EPHB1: variants seen among roughly 807,000 people sequenced by gnomAD.
The protein encoded by EPHB1 is ephrin type-B receptor 1.
A neutral mutation model predicts 94.4 loss-of-function variants in EPHB1; 30 were observed. That is an observed-to-expected ratio of 0.32 (90% CI 0.24 to 0.43). The LOEUF is 0.43. Among genes scored for constraint, EPHB1 ranks in the 20% least tolerant of loss-of-function variants. The probability of loss-of-function intolerance (pLI) is 1.00; values close to 1 mark genes in which losing one functional copy is unlikely to be tolerated. For missense variants in EPHB1, 1,055 were observed against 1,308.3 expected, an observed-to-expected ratio of 0.81 and a Z score of 2.99; for synonymous variants, 522 against 489.1, an observed-to-expected ratio of 1.07 and a Z score of -0.89.
chr3:134,904,553 G>A (rs543820100), intron 1 of EPHB1, among the ~76,000 whole-genome samples: 1 of 152,252 alleles, frequency 6.6e-6, no homozygotes, highest in South Asian at 2.1e-4. Flanking sequence ...CAGTTTTTGG[G>A]GCTTTACACT....
intron 3 of EPHB1, among the ~76,000 whole-genome samples, chr3:134,996,051 A>T (rs914152257): frequency 5.9e-5 from 9 of 152,146 alleles, no homozygotes; most frequent in Non-Finnish European, 1.0e-4. Flanking sequence ...TCATGTTAAC[A>T]TTTGCCTTAT....
At chr3:134,817,547 T>C (rs574795325) in intron 1 of EPHB1, among the ~76,000 whole-genome samples, 2 of 152,242 alleles carry the variant, frequency 1.3e-5, no homozygotes, top group African/African-American at 4.8e-5. Flanking sequence ...GAGGCTGCTA[T>C]TGGGAGTCAG....
chr3:134,945,352 T>C (rs539120242), intron 2 of EPHB1, among the ~76,000 whole-genome samples: 5 of 152,206 alleles, frequency 3.3e-5, no homozygotes, highest in Non-Finnish European at 7.3e-5. Flanking sequence ...TTAGTATCTT[T>C]GTAGTTTCAT....
intron 3 of EPHB1, among the ~76,000 whole-genome samples, chr3:135,092,322 G>C (rs1196140896): frequency 6.6e-6 from 1 of 152,122 alleles, no homozygotes; most frequent in Non-Finnish European, 1.5e-5. Flanking sequence ...CCTCCCTTCT[G>C]TTGGGTGCCA....
intron 1 of EPHB1, among the ~76,000 whole-genome samples, chr3:134,866,984 C>T (rs559027394): frequency 6.6e-6 from 1 of 152,288 alleles, no homozygotes; most frequent in South Asian, 2.1e-4. Context: ...AACCTCTGGT[C>T]ATTGAACACA....
chr3:135,120,552 G>A (rs955422438), intron 4 of EPHB1, among the ~76,000 whole-genome samples: 5 of 152,150 alleles, frequency 3.3e-5, no homozygotes, highest in African/African-American at 4.8e-5. Flanking sequence ...ATTGCATGCC[G>A]TGAATTACTG....
rs199903529 is a variant in EPHB1 at position 135,132,748 on chromosome 3, C to T, written c.996C>T (p.Ile332=). ...VPSGPRNVIS[I]VNETSIILEW... The stretch of plus-strand genomic sequence containing the variant: ...CAGGTCCCCGCAATGTTATCTCCAT[C>T]GTCAATGAGACGTCCATCATTCTGG... Residue 332 remains isoleucine, a synonymous_variant, in exon 5 of 16, where the codon ATC becomes ATT. Coordinates refer to ENST00000398015, the MANE Select transcript of EPHB1 (RefSeq NM_004441.5). 3.8e-5 allele frequency: 61 copies of T among 1,605,504 alleles called. No individual in the cohort carries two copies. Among genetic ancestry groups the T allele is most frequent in the Middle Eastern group, 1.7e-4 (1 of 6,026 alleles).
intron 3 of EPHB1, among the ~76,000 whole-genome samples, chr3:135,098,491 A>G (rs555531101): frequency 6.6e-6 from 1 of 152,206 alleles, no homozygotes; most frequent in South Asian, 2.1e-4. Flanking sequence ...TTTAGTCAAT[A>G]CCTTATCATC....
chr3:134,987,996 C>G (rs1364011189), intron 3 of EPHB1, among the ~76,000 whole-genome samples: 1 of 152,058 alleles, frequency 6.6e-6, no homozygotes, highest in Non-Finnish European at 1.5e-5. Context: ...TGGGTATATA[C>G]TTTTATCAGC....
intron 9 of EPHB1, among the ~76,000 whole-genome samples, chr3:135,175,156 T>C (rs1200962223): frequency 6.6e-6 from 1 of 152,224 alleles, no homozygotes; most frequent in Non-Finnish European, 1.5e-5. Flanking sequence ...TGCTCTTCCC[T>C]GAGACCCTGG....
intron 1 of EPHB1, among the ~76,000 whole-genome samples, chr3:134,845,975 CAA>C (rs36062984): frequency 0.15 from 23,313 of 151,958 alleles, 2,270 homozygotes; most frequent in African/African-American, 0.28. Flanking sequence ...GTGCCCAGAT[CAA>C]AGAGGTCTCA....
intron 2 of EPHB1, among the ~76,000 whole-genome samples, chr3:134,936,931 C>A (rs1015620413): frequency 2.0e-5 from 3 of 152,148 alleles, no homozygotes; most frequent in Admixed American, 1.3e-4. Flanking sequence ...CGGGGCTGAC[C>A]GTGGGATGCA....
At chr3:135,041,772 G>A (rs1426582612) in intron 3 of EPHB1, among the ~76,000 whole-genome samples, 2 of 152,134 alleles carry the variant, frequency 1.3e-5, no homozygotes, top group African/African-American at 4.8e-5. Context: ...GTTGACTCAT[G>A]GTTCTGAAGG....
At chr3:135,218,047 G>A (rs566699106) in intron 12 of EPHB1, among the ~76,000 whole-genome samples, 13 of 152,024 alleles carry the variant, frequency 8.6e-5, no homozygotes, top group Non-Finnish European at 1.9e-4. Flanking sequence ...TGCCTCATGA[G>A]GCAGTTTTCA....
At chr3:135,032,620 G>C (rs1936514815) in intron 3 of EPHB1, among the ~76,000 whole-genome samples, 1 of 152,184 alleles carries the variant, frequency 6.6e-6, no homozygotes, top group Non-Finnish European at 1.5e-5. Context: ...CTCTATGTGA[G>C]TGGCGGGGGC....
At chr3:135,065,083 AT>A (rs1473520247) in intron 3 of EPHB1, among the ~76,000 whole-genome samples, 1 of 151,838 alleles carries the variant, frequency 6.6e-6, no homozygotes, top group East Asian at 1.9e-4. Context: ...TATAATTTCA[AT>A]TTTCTTAAAT....
chr3:135,010,558 G>GTTTTTTTTTTTTTT (rs58579496), intron 3 of EPHB1, among the ~76,000 whole-genome samples: 2 of 110,386 alleles, frequency 1.8e-5, no homozygotes, highest in Non-Finnish European at 3.6e-5. Context: ...ATTTTTTTCT[G>GTTTTTTTTTTTTTT]TTTTTTTTTT....
chr3:135,092,063 C>G (rs1369342077), intron 3 of EPHB1, among the ~76,000 whole-genome samples: 1 of 152,154 alleles, frequency 6.6e-6, no homozygotes, highest in Non-Finnish European at 1.5e-5. Context: ...AAAAGAAAAA[C>G]ACTTCGGTTT....
intron 4 of EPHB1, among the ~76,000 whole-genome samples, chr3:135,110,473 G>C (rs1000786841): frequency 6.6e-6 from 1 of 152,144 alleles, no homozygotes; most frequent in Non-Finnish European, 1.5e-5. Flanking sequence ...CAGGGGCAGG[G>C]GTTTTGAGTT....
Sources: gnomAD v4.1 joint callset for allele counts (sites outside exome capture counted in the v4.1 genomes callset) on GRCh38, gnomAD v4.1.1 for gene constraint, MANE v1.5 for transcripts, NCBI Gene and HGNC (gene_info 2026-07-23, HGNC 2026-07-21) for gene names.